Variants in NPAS3 observed in about 807,000 individuals in gnomAD.
NPAS3 encodes the protein neuronal PAS domain protein 3, also known as neuronal PAS domain-containing protein 3.
Under a neutral mutation model 73.1 loss-of-function variants are expected in NPAS3, and 14 were observed. The observed-to-expected ratio is 0.19, with a 90% CI of 0.13 to 0.30. The LOEUF (loss-of-function observed/expected upper bound fraction) is 0.30, where lower values mean the gene tolerates loss of function less well. Ranked by LOEUF, NPAS3 falls within the 10% of genes least tolerant of loss-of-function variation. The pLI is 1.00. For synonymous variants in NPAS3, 620 were observed against 541.5 expected (o/e 1.14, Z -2.01); for missense variants, 1,096 against 1,250.0 (o/e 0.88, Z 1.86).
At chr14:33,528,107 G>A (rs757086976) in intron 4 of NPAS3, among the ~76,000 whole-genome samples, 9 of 151,984 alleles carry the variant, frequency 5.9e-5, no homozygotes, top group South Asian at 2.1e-4. Context: ...TAGGTGAAGC[G>A]TTTATTCTTC....
At chr14:33,152,451 T>C (rs1002958562) in intron 2 of NPAS3, among the ~76,000 whole-genome samples, 1 of 152,178 alleles carries the variant, frequency 6.6e-6, no homozygotes, top group African/African-American at 2.4e-5. Flanking sequence ...GACTCAGATA[T>C]GGTGTCCATA....
At chr14:33,746,540 T>C (rs539477955) in intron 7 of NPAS3, among the ~76,000 whole-genome samples, 5 of 151,644 alleles carry the variant, frequency 3.3e-5, no homozygotes, top group African/African-American at 7.3e-5. Flanking sequence ...AATAAACTTA[T>C]AGTTAAATAT....
intron 5 of NPAS3, among the ~76,000 whole-genome samples, chr14:33,588,480 T>C (rs1359534106): frequency 2.6e-5 from 4 of 152,248 alleles, no homozygotes; most frequent in Non-Finnish European, 5.9e-5. Context: ...GTCTAATTTC[T>C]CAACTTGTCA....
intron 1 of NPAS3, among the ~76,000 whole-genome samples, chr14:32,991,897 C>T (rs1044849754): frequency 5.9e-5 from 9 of 152,168 alleles, no homozygotes; most frequent in African/African-American, 1.7e-4. Flanking sequence ...CCGTCTCTCT[C>T]GGGTGAACTC....
intron 2 of NPAS3, among the ~76,000 whole-genome samples, chr14:33,165,268 G>C (rs765493299): frequency 2.6e-5 from 4 of 151,768 alleles, no homozygotes; most frequent in Admixed American, 6.6e-5. Flanking sequence ...AATTGCAGAA[G>C]AGAAGGGTTA....
At chr14:33,553,701 T>C (rs938342687) in intron 4 of NPAS3, among the ~76,000 whole-genome samples, 1 of 152,250 alleles carries the variant, frequency 6.6e-6, no homozygotes, top group African/African-American at 2.4e-5. Flanking sequence ...CTTTGATGTG[T>C]GTGCTTTTAT....
At chr14:33,344,943 G>C (rs950807492) in intron 3 of NPAS3, among the ~76,000 whole-genome samples, 1 of 152,098 alleles carries the variant, frequency 6.6e-6, no homozygotes, top group Non-Finnish European at 1.5e-5. Flanking sequence ...CATTCCTCCT[G>C]GATATGCAAC....
At position 33,688,149 on chromosome 14, in the gene NPAS3, G is replaced by C. The variant is rs143052574; in HGVS notation, c.733+11764G>C. ...ACATGCATAAATTGCATGTCACTGA[G>C]GTTTGGTGTACAAATGATCCCATCA... is the stretch of plus-strand genomic sequence containing the variant. On this transcript the variant is annotated intron_variant, in intron 6 of 11. Transcript: ENST00000356141. Among the ~76,000 whole-genome samples the C allele has an allele frequency of 1.7e-3, 252 of 152,308 alleles. 2 individuals are homozygous for C. Among genetic ancestry groups the C allele is most frequent in the African/African-American group, 5.8e-3 (241 of 41,578 alleles).
At chr14:33,739,114 G>A (rs1034703299) in intron 7 of NPAS3, among the ~76,000 whole-genome samples, 19 of 152,168 alleles carry the variant, frequency 1.2e-4, no homozygotes, top group Admixed American at 7.2e-4. Flanking sequence ...ACTGGCAAAC[G>A]TAGGCAAACG....
rs77944903 is a variant in NPAS3, at chr14:33,363,527, C to T, written c.386-3659C>T. Among the ~76,000 whole-genome samples, 1,018 of 152,308 alleles carry T rather than the reference C, an allele frequency of 6.7e-3. 9 individuals carry two copies. Among genetic ancestry groups the T allele is most frequent in the African/African-American group, 0.023 (971 of 41,564 alleles). ...TTTTTTAAAAAACCAATAAACCCTT[C>T]TCCCTGTATTTCTCTTCCATTTAAA... On this transcript the variant is annotated intron_variant, in intron 3 of 11. Transcript: ENST00000356141.
At chr14:33,587,156 A>G (rs748385632) in intron 5 of NPAS3, among the ~76,000 whole-genome samples, 4 of 152,120 alleles carry the variant, frequency 2.6e-5, no homozygotes, top group Non-Finnish European at 5.9e-5. Context: ...TGTGCCCTTT[A>G]TTCTTCTCCC....
At chr14:33,112,423 A>G (rs2042925264) in intron 2 of NPAS3, among the ~76,000 whole-genome samples, 1 of 152,168 alleles carries the variant, frequency 6.6e-6, no homozygotes, top group Non-Finnish European at 1.5e-5. Flanking sequence ...ATGGCCAGTG[A>G]TGATGAGCAT....
chr14:33,568,129 A>C (rs985725666), intron 5 of NPAS3, among the ~76,000 whole-genome samples: 1 of 152,230 alleles, frequency 6.6e-6, no homozygotes, highest in African/African-American at 2.4e-5. Flanking sequence ...TCAGAAAAAA[A>C]ATACTTTGTA....
At chr14:33,356,647 G>T (rs371937496) in intron 3 of NPAS3, among the ~76,000 whole-genome samples, 7 of 152,196 alleles carry the variant, frequency 4.6e-5, no homozygotes, top group Non-Finnish European at 8.8e-5. Flanking sequence ...GGGCATCTGT[G>T]GGGGGTGCTT....
chr14:33,709,247 C>G, intron 6 of NPAS3, among the ~76,000 whole-genome samples: 1 of 152,146 alleles, frequency 6.6e-6, no homozygotes, highest in South Asian at 2.1e-4. Context: ...CAGTCATTGT[C>G]CCCTGGAGAA....
chr14:33,794,944 C>A (rs144328938), intron 10 of NPAS3, among the ~76,000 whole-genome samples: 1 of 152,130 alleles, frequency 6.6e-6, no homozygotes, highest in Non-Finnish European at 1.5e-5. Context: ...CAAGCAGAGC[C>A]CACACGTGGT....
chr14:33,661,423 T>C (rs971187937), intron 5 of NPAS3, among the ~76,000 whole-genome samples: 1 of 152,172 alleles, frequency 6.6e-6, no homozygotes, highest in Non-Finnish European at 1.5e-5. Context: ...TGAATCTCAT[T>C]TCCAATGCAA....
intron 4 of NPAS3, among the ~76,000 whole-genome samples, chr14:33,442,982 A>G (rs2049321455): frequency 6.6e-6 from 1 of 152,180 alleles, no homozygotes; most frequent in Non-Finnish European, 1.5e-5. Context: ...TCTCAAATAC[A>G]TTTTATCTGT....
At chr14:33,756,038 C>T (rs955832841) in intron 7 of NPAS3, among the ~76,000 whole-genome samples, 1 of 152,118 alleles carries the variant, frequency 6.6e-6, no homozygotes, top group African/African-American at 2.4e-5. Flanking sequence ...CCACTAGGTC[C>T]CACCTCCAAC....
Sources: allele counts gnomAD v4.1 joint callset (sites outside exome capture counted in the v4.1 genomes callset), GRCh38; gene constraint gnomAD v4.1.1; transcripts MANE v1.5; gene names NCBI Gene and HGNC (gene_info 2026-07-23, HGNC 2026-07-21).